Variants in KCP observed in about 807,000 individuals in gnomAD.
KCP encodes the protein kielin/chordin-like protein.
Under a neutral mutation model 212.7 loss-of-function variants are expected in KCP, and 194 were observed. The observed-to-expected ratio is 0.91, with a 90% CI of 0.81 to 1.03. The LOEUF (loss-of-function observed/expected upper bound fraction) is 1.03. KCP is among the 50% of genes least tolerant of loss of function. The pLI is 0.00. For synonymous variants in KCP, 833 were observed against 865.3 expected (o/e 0.96, Z 0.65); for missense variants, 2,080 against 2,162.5 (o/e 0.96, Z 0.76).
chr7:128,876,903 T>C lies in KCP; in HGVS notation c.*140A>G. 2.0e-6 allele frequency: 2 copies of C among 980,024 alleles called. No individual in the cohort carries two copies. Among genetic ancestry groups the C allele is most frequent in the Non-Finnish European group, 2.9e-6 (2 of 690,580 alleles). The allele number at this position is 980,024 out of a possible 1,614,324, so 60.7% of individuals were successfully genotyped here. On this transcript the variant is annotated 3_prime_UTR_variant, in exon 40 of 40. Coordinates refer to ENST00000610776, the MANE Select transcript of KCP (RefSeq NM_001366122.1). ...AGAGTTTACTGCTGGTGACTCAACA[T>C]GGCGGGGGTCTTTGCAGGGCAGGGG...
In KCP at chr7:128,877,255, G is replaced by A; in HGVS notation, c.4675C>T (p.Pro1559Ser). ...ATATGCTGATTGAAGCAGGTGCGGG[G>A]ACAGGGTGGGCCGCACTCATCAAAC... ...FVFDECGPPC[P>S]RTCFNQHIPL... Residue 1559 changes from proline (P) to serine (S), a missense_variant, in exon 40 of 40, where the codon CCC becomes TCC. Physicochemically the swap from Pro to Ser is moderately conservative, Grantham distance 74. Coordinates refer to ENST00000610776, the MANE Select transcript of KCP (RefSeq NM_001366122.1). 11 of 1,490,158 alleles carry A rather than the reference G, an allele frequency of 7.4e-6. No homozygotes were observed. The highest frequency in any genetic ancestry group is 8.9e-6 in the Non-Finnish European group (10 of 1,120,616). The allele number at this position is 1,490,158 out of a possible 1,614,324, so 92.3% of individuals were successfully genotyped here. A position where few individuals can be genotyped will look rare whatever the true frequency, so the allele number is the denominator to read the frequency against.
chr7:128,904,200 G>C, intron 5 of KCP, 62 bp from the exon 6 acceptor site: 2 of 1,526,102 alleles, frequency 1.3e-6, no homozygotes, highest in Admixed American at 3.9e-5. Context: ...GACATCACTT[G>C]AGGTAAGGCA....
rs369611779 is a variant in KCP, at chr7:128,884,837, C to T, written c.3067G>A (p.Glu1023Lys). Residue 1023 changes from glutamate to lysine, a missense_variant, in exon 28 of 40, where the codon GAG becomes AAG. Coordinates refer to ENST00000610776, the MANE Select transcript of KCP (RefSeq NM_001366122.1). ...CCAGGCTGGAAGCTCTCCCCAGGCT[C>T]GTACTTCCGGCCCTCATGCTCACAG... The part of the protein sequence containing the change: ...SDCEHEGRKY[E>K]PGESFQPGAD... 11 of 1,550,998 alleles carry T rather than the reference C, an allele frequency of 7.1e-6. No individual in the cohort carries two copies. The highest frequency in any genetic ancestry group is 9.6e-6 in the Non-Finnish European group (11 of 1,146,984).
chr7:128,879,695 C>T (rs1388611764), intron 36 of KCP, 23 bp downstream of exon 36: 3 of 1,549,576 alleles, frequency 1.9e-6, no homozygotes, highest in South Asian at 2.4e-5. Context: ...ATCCACCTTC[C>T]TCCACTCCTC....
intron 18 of KCP, 28 bp downstream of exon 18, chr7:128,891,423 G>A (rs959821649): frequency 2.6e-5 from 40 of 1,549,416 alleles, no homozygotes; most frequent in Non-Finnish European, 3.1e-5. Context: ...CACTCCCCTG[G>A]GCGCCTCCCA....
chr7:128,890,981 C>T lies in KCP; in HGVS notation c.2088G>A (p.Val696=). Residue 696 remains valine (V), a synonymous_variant, in exon 20 of 40, where the codon GTG becomes GTA. Coordinates refer to ENST00000610776, the MANE Select transcript of KCP (RefSeq NM_001366122.1). ...CRRCLCLDGS[V]SCQRLPCPPA... is the part of the protein sequence containing the mutation. ...GCGGGCAGGGCAGCCGCTGGCAGGA[C>T]ACGGAGCCGTCGAGGCAGAGGCAGC... The T allele has an allele frequency of 7.6e-7, 1 of 1,311,358 alleles. No homozygotes were observed. Among genetic ancestry groups the T allele is most frequent in the Non-Finnish European group, 9.7e-7 (1 of 1,036,120 alleles). The allele number at this position is 1,311,358 out of a possible 1,614,324, so 81.2% of individuals were successfully genotyped here. A position where few individuals can be genotyped will look rare whatever the true frequency, so the allele number is the denominator to read the frequency against.
intron 29 of KCP, 64 bp downstream of exon 29, chr7:128,883,938 A>C: frequency 6.7e-7 from 1 of 1,500,080 alleles, no homozygotes; most frequent in Non-Finnish European, 8.9e-7. Context: ...ACTGGTGAGG[A>C]AGGGCGGCAG....
intron 39 of KCP, 68 bp downstream of exon 39, chr7:128,877,416 G>A (rs991355895): frequency 9.1e-6 from 14 of 1,534,174 alleles, no homozygotes; most frequent in African/African-American, 1.4e-5. Flanking sequence ...CCTGCCCTGA[G>A]CCCTCCGGGC....
intron 37 of KCP, 113 bp from the exon 38 acceptor site, chr7:128,878,835 G>A (rs1793147525): frequency 1.8e-6 from 2 of 1,084,118 alleles, no homozygotes; most frequent in Admixed American, 2.8e-5. Context: ...TGTAGGGGAG[G>A]AGAATGGACA....
Position 128,903,722 on chromosome 7 carries a change from C to T in KCP, c.748+5G>A. 1 of 1,545,806 alleles carries T rather than the reference C, an allele frequency of 6.5e-7. No homozygotes were observed. Among genetic ancestry groups the T allele is most frequent in the Non-Finnish European group, 8.7e-7 (1 of 1,144,196 alleles). On this transcript the variant is annotated splice_donor_5th_base_variant and intron_variant, in intron 7 of 39. Coordinates refer to ENST00000610776, the MANE Select transcript of KCP (RefSeq NM_001366122.1). ...CTCTACCAGGGAGGGGCCAGGGGCT[C>T]TCACCTTGGCAGGTTGGGCAGCAGT...
Position 128,887,459 on chromosome 7 carries a change from CCACATA to C in KCP, c.2513-165_2513-160del, listed in dbSNP as rs1323547683. Among the ~76,000 whole-genome samples the C allele has an allele frequency of 2.1e-5, 3 of 140,432 alleles. No homozygotes were observed. In the Admixed American group the frequency reaches 2.1e-4, roughly 10 times the overall value. The allele number at this position is 140,432 out of a possible 152,430, so 92.1% of individuals were successfully genotyped here. A position where few individuals can be genotyped will look rare whatever the true frequency, so the allele number is the denominator to read the frequency against. ...CCCATATACACAGCCACACCCACAA[CCACATA>C]CACACACACAGCCACACACATACAT... On this transcript the variant is annotated intron_variant, in intron 22 of 39. Transcript: ENST00000610776.
chr7:128,909,123 G>A (rs1221723707), intron 1 of KCP, among the ~76,000 whole-genome samples: 1 of 152,166 alleles, frequency 6.6e-6, no homozygotes, highest in Non-Finnish European at 1.5e-5. Flanking sequence ...AAAGAGGGAC[G>A]GGGCACCTCT....
At chr7:128,877,431 C>T in intron 39 of KCP, 53 bp downstream of exon 39, 1 of 1,541,586 alleles carries the variant, frequency 6.5e-7, no homozygotes, top group Non-Finnish European at 8.8e-7. Context: ...CCGGGCTGCC[C>T]TTCTTCTCTG....
intron 7 of KCP, chr7:128,903,328 TCTC>T (rs775159926): frequency 1.4e-5 from 4 of 278,408 alleles, no homozygotes; most frequent in African/African-American, 2.2e-5. Flanking sequence ...CTGGATTCGG[TCTC>T]CTTCCTCTGA....
Position 128,886,987 on chromosome 7 carries a change from A to G in KCP, c.2599-21T>C, listed in dbSNP as rs567962644. On this transcript the variant is annotated intron_variant, in intron 23 of 39. Transcript: ENST00000610776. ...CCTTCCTGGGGGAGAGAGGCCCATC[A>G]CACCCTCAACTGGACTGCACATTTC... 4.7e-6 allele frequency: 6 copies of G among 1,273,520 alleles called. No individual in the cohort carries two copies. The South Asian group carries it at 6.4e-5, about 14-fold the overall frequency. 78.9% of individuals were successfully genotyped at this position (1,273,520 alleles called of 1,614,324 possible). A position where few individuals can be genotyped will look rare whatever the true frequency, so the allele number is the denominator to read the frequency against.
In KCP at chr7:128,877,291, G is replaced by T; in HGVS notation, c.4639C>A (p.Arg1547Ser). ...CCGCACTCATCAAACACGAAGCCACGCTCCAGGGGGCAGCCTACCACTGCA... is the reference window on the plus strand; with the variant it reads ...CCGCACTCATCAAACACGAAGCCACTCTCCAGGGGGCAGCCTACCACTGCA... ...TLCVVGCPLE[R>S]GFVFDECGPP... The change falls in exon 40 of 40, where the codon CGT becomes AGT. Residue 1547 changes from arginine to serine, a missense_variant. Physicochemically the swap from Arg to Ser is moderately radical, Grantham distance 110. Transcript: ENST00000610776. 2 of 1,512,550 alleles carry T rather than the reference G, an allele frequency of 1.3e-6. No homozygotes were observed. Among genetic ancestry groups the T allele is most frequent in the Non-Finnish European group, 1.8e-6 (2 of 1,134,118 alleles). The allele number at this position is 1,512,550 out of a possible 1,614,324, so 93.7% of individuals were successfully genotyped here. A position where few individuals can be genotyped will look rare whatever the true frequency, so the allele number is the denominator to read the frequency against.
intron 4 of KCP, 31 bp from the exon 5 acceptor site, chr7:128,906,394 A>G (rs1375223455): frequency 8.9e-6 from 13 of 1,455,140 alleles, no homozygotes; most frequent in African/African-American, 4.2e-5. Context: ...GGCTGCACAG[A>G]CATCAGATTC....
At position 128,891,180 on chromosome 7, in the gene KCP, C is replaced by T; in HGVS notation, c.1972+5G>A. On this transcript the variant is annotated splice_donor_5th_base_variant and intron_variant, in intron 19 of 39. Coordinates refer to ENST00000610776, the MANE Select transcript of KCP (RefSeq NM_001366122.1). ...GGAGGAGCAGCCGAGGGGTGCGGCC[C>T]CTACCTGGGCACTGCGGGCAGCACT... 7 of 1,542,432 alleles carry T rather than the reference C, an allele frequency of 4.5e-6. No homozygotes were observed. Among genetic ancestry groups the T allele is most frequent in the Non-Finnish European group, 6.1e-6 (7 of 1,146,432 alleles).
chr7:128,910,077 C>T (rs1795349722), intron 1 of KCP, among the ~76,000 whole-genome samples: 1 of 152,176 alleles, frequency 6.6e-6, no homozygotes, highest in Non-Finnish European at 1.5e-5. Flanking sequence ...AAGCTGAATC[C>T]TCTGGGACCC....
Sources: gnomAD v4.1 joint callset for allele counts (sites outside exome capture counted in the v4.1 genomes callset) on GRCh38, gnomAD v4.1.1 for gene constraint, MANE v1.5 for transcripts, NCBI Gene and HGNC (gene_info 2026-07-23, HGNC 2026-07-21) for gene names.